The following MTCH2 variants were observed in gnomAD, a reference collection of about 807,000 sequenced individuals.
MTCH2 encodes mitochondrial carrier 2.
In MTCH2, 25 loss-of-function variants were observed where a neutral mutation model predicts 50.6. The ratio of observed to expected loss-of-function variants is 0.49; its 90% CI spans 0.36 to 0.69. The LOEUF is 0.69. Among genes scored for constraint, MTCH2 ranks in the 30% least tolerant of loss-of-function variants. The pLI is 0.00. For synonymous variants in MTCH2, 106 were observed against 132.0 expected (o/e 0.80, Z 1.35); for missense variants, 273 against 384.4 (o/e 0.71, Z 2.42).
chr11:47,638,501 G>C (rs199771400), intron 3 of MTCH2, among the ~76,000 whole-genome samples, 198 bp downstream of exon 3: 1 of 113,498 alleles, frequency 8.8e-6, no homozygotes, highest in Non-Finnish European at 1.7e-5. Flanking sequence ...AGCCCAGATC[G>C]CGCCACTACA....
chr11:47,631,015 T>A (rs749730749), intron 7 of MTCH2, 21 bp downstream of exon 7: 1 of 1,589,236 alleles, frequency 6.3e-7, no homozygotes, highest in Non-Finnish European at 8.6e-7. Flanking sequence ...TCCTTGAGTA[T>A]GTGAAAACAA....
chr11:47,614,642 C>T (rs181057737), downstream of MTCH2, among the ~76,000 whole-genome samples: 134 of 152,152 alleles, frequency 8.8e-4, 1 homozygote, highest in Non-Finnish European at 1.3e-3. Flanking sequence ...AGTACGTTGG[C>T]GCAACCTTGG....
chr11:47,630,951 G>A lies in MTCH2; in HGVS notation c.479+85C>T, dbSNP rs73465622. On this transcript the variant is annotated intron_variant, in intron 7 of 12. Coordinates refer to ENST00000302503, the MANE Select transcript of MTCH2 (RefSeq NM_014342.4). The stretch of plus-strand genomic sequence containing the variant: ...ACGAATTTGTTCTACAAATTGTAAG[G>A]GTATCATAAAAATACAAAGTAGTAT... 4.9e-3 allele frequency: 5,290 copies of A among 1,082,694 alleles called. 194 individuals carry two copies. The African/African-American group carries it at 0.073, about 15-fold the overall frequency. 67.1% of individuals were successfully genotyped at this position (1,082,694 alleles called of 1,614,324 possible).
rs778426974 is a variant in MTCH2 at position 47,635,585 on chromosome 11, G to T, written c.280-14C>A. ...CTCCTGGTAATGCTATAGAAAAAAA[G>T]AAAAAGGATGATTAGGGTTATTACA... is the stretch of plus-strand genomic sequence containing the variant. On this transcript the variant is annotated splice_polypyrimidine_tract_variant and intron_variant, in intron 3 of 12. Transcript: ENST00000302503. 9.9e-6 allele frequency: 16 copies of T among 1,608,474 alleles called. No individual in the cohort carries two copies. Among genetic ancestry groups the T allele is most frequent in the Admixed American group, 3.3e-5 (2 of 59,806 alleles).
chr11:47,640,710 C>G (rs565577057), intron 1 of MTCH2, among the ~76,000 whole-genome samples: 1 of 152,286 alleles, frequency 6.6e-6, no homozygotes, highest in African/African-American at 2.4e-5. Flanking sequence ...AGCCACCGTG[C>G]CCGGCCCAAG....
In MTCH2 at chr11:47,631,641, A is replaced by G. The variant is rs368031896; in HGVS notation, c.427+13T>C. The G allele has an allele frequency of 8.7e-6, 14 of 1,613,882 alleles. No individual in the cohort carries two copies. The highest frequency in any genetic ancestry group is 2.7e-5 in the African/African-American group (2 of 74,930). On this transcript the variant is annotated intron_variant, in intron 6 of 12. Coordinates refer to ENST00000302503, the MANE Select transcript of MTCH2 (RefSeq NM_014342.4). ...GTTATAAAAGAAAGGTCAGTTGTCAACTGCAAACATACCATGGAAGGGATG... is the reference window on the plus strand; with the variant it reads ...GTTATAAAAGAAAGGTCAGTTGTCAGCTGCAAACATACCATGGAAGGGATG...
rs1295969872 is a variant in MTCH2 at position 47,638,995 on chromosome 11, C to A, written c.144G>T (p.Val48=). 4.4e-6 allele frequency: 7 copies of A among 1,605,124 alleles called. No homozygotes were observed. Among genetic ancestry groups the A allele is most frequent in the Non-Finnish European group, 5.9e-6 (7 of 1,176,836 alleles). The change falls in exon 2 of 13, where the codon GTG becomes GTT. Residue 48 remains valine, a synonymous_variant. Coordinates refer to ENST00000302503, the MANE Select transcript of MTCH2 (RefSeq NM_014342.4). The stretch of plus-strand genomic sequence containing the variant: ...AACTAAAGAGACCAGGAAGCTGACA[C>A]ACTTGCCGCCCAAAAATATTTCGTC... The part of the protein sequence containing the change: ...TIGRNIFGRQ[V]CQLPGLFSYA...
At chr11:47,619,791 A>C (rs2097291528) in intron 12 of MTCH2, among the ~76,000 whole-genome samples, 1 of 152,026 alleles carries the variant, frequency 6.6e-6, no homozygotes, top group Non-Finnish European at 1.5e-5. Flanking sequence ...AAATACAAAA[A>C]ATTGGGCAGA....
At chr11:47,620,079 A>C (rs1269730133) in intron 12 of MTCH2, among the ~76,000 whole-genome samples, 1 of 151,338 alleles carries the variant, frequency 6.6e-6, no homozygotes, top group African/African-American at 2.4e-5. Context: ...TCCGTCTCAA[A>C]CAAAACAAAA....
At chr11:47,610,587 C>T in the MTCH2 span, among the ~76,000 whole-genome samples, 7 of 152,196 alleles carry the variant, frequency 4.6e-5, no homozygotes, top group South Asian at 1.5e-3. Context: ...TGCCTGTAAT[C>T]CCAGCTACTC....
chr11:47,635,396 A>G (rs2097307617), intron 4 of MTCH2, 149 bp downstream of exon 4: 6 of 791,206 alleles, frequency 7.6e-6, no homozygotes, highest in Non-Finnish European at 1.2e-5. Context: ...TTCAAACAGA[A>G]CTGTCCAAAC....
chr11:47,623,815 G>A (rs113359244), intron 11 of MTCH2, among the ~76,000 whole-genome samples: 2,681 of 152,286 alleles, frequency 0.018, 35 homozygotes, highest in Non-Finnish European at 0.029. Context: ...ACTTTAGGAG[G>A]TCGAGGAGGG....
downstream of MTCH2, among the ~76,000 whole-genome samples, chr11:47,615,212 A>G (rs947253294): frequency 9.2e-5 from 14 of 151,824 alleles, no homozygotes; most frequent in Non-Finnish European, 1.8e-4. Context: ...TAATTTTTAA[A>G]TTTTTGTGTT....
chr11:47,631,818 C>A, intron 5 of MTCH2, 107 bp from the exon 6 acceptor site: 1 of 1,113,470 alleles, frequency 9.0e-7, no homozygotes, highest in South Asian at 1.3e-5. Context: ...AAGTGAATGA[C>A]ACAGCCCTCC....
rs112097620 is a variant in MTCH2 at position 47,631,124 on chromosome 11, T to C, written c.428-37A>G. The C allele has an allele frequency of 1.2e-5, 19 of 1,573,546 alleles. 1 individual carries two copies. In the African/African-American group the frequency reaches 1.6e-4, roughly 13 times the overall value. Reference sequence around the variant, plus strand: ...AGAGAAAAGATGTTTACAACTATGTTAAGGCCAGGTGCGGTGGCTCACACC... The same window carrying C: ...AGAGAAAAGATGTTTACAACTATGTCAAGGCCAGGTGCGGTGGCTCACACC... On this transcript the variant is annotated intron_variant, in intron 6 of 12. Coordinates refer to ENST00000302503, the MANE Select transcript of MTCH2 (RefSeq NM_014342.4).
downstream of MTCH2, among the ~76,000 whole-genome samples, chr11:47,613,294 C>A (rs2097286598): frequency 6.6e-6 from 1 of 152,142 alleles, no homozygotes; most frequent in Non-Finnish European, 1.5e-5. Flanking sequence ...GCACTTGTGA[C>A]TTCTTTAGGA....
chr11:47,613,641 G>A (rs900577195), downstream of MTCH2, among the ~76,000 whole-genome samples: 1 of 152,156 alleles, frequency 6.6e-6, no homozygotes, highest in African/African-American at 2.4e-5. Context: ...AAGTAATGGT[G>A]ATCATTTCTA....
Position 47,629,192 on chromosome 11 carries a change from G to C in MTCH2, c.540-146C>G. ...GGAATCAAACACCAGAATCCAGCCCGCATACCTAGTTCATTCTCGTTAACA... is the reference window on the plus strand; with the variant it reads ...GGAATCAAACACCAGAATCCAGCCCCCATACCTAGTTCATTCTCGTTAACA... On this transcript the variant is annotated intron_variant, in intron 8 of 12. Transcript: ENST00000302503. The C allele has an allele frequency of 2.0e-5, 13 of 642,072 alleles. No individual in the cohort carries two copies. In the South Asian group the frequency reaches 2.3e-4, roughly 11 times the overall value. 39.8% of individuals were successfully genotyped at this position (642,072 alleles called of 1,614,324 possible).
intron 9 of MTCH2, 84 bp from the exon 10 acceptor site, chr11:47,627,211 CTTTTT>C (rs981960946): frequency 1.2e-4 from 136 of 1,112,792 alleles, no homozygotes; most frequent in Middle Eastern, 2.1e-4. Flanking sequence ...CTTTTCTTTT[CTTTTT>C]TTCTTTCAGA....
Sources: gnomAD v4.1 joint callset for allele counts (sites outside exome capture counted in the v4.1 genomes callset) on GRCh38, gnomAD v4.1.1 for gene constraint, MANE v1.5 for transcripts, NCBI Gene and HGNC (gene_info 2026-07-23, HGNC 2026-07-21) for gene names.